Variants in GPCPD1 observed in about 807,000 individuals in gnomAD.
GPCPD1 encodes glycerophosphocholine phosphodiesterase 1, also known as glycerophosphocholine phosphodiesterase GPCPD1.
Under a neutral mutation model 89.2 loss-of-function variants are expected in GPCPD1, and 29 were observed. That is an observed-to-expected ratio of 0.33 (90% CI 0.24 to 0.44). GPCPD1 has a LOEUF of 0.44. Ranked by LOEUF, GPCPD1 falls within the 20% of genes least tolerant of loss-of-function variation. The pLI, the probability that GPCPD1 is intolerant of heterozygous loss-of-function variation, is 1.00. For synonymous variants in GPCPD1, 258 were observed against 266.3 expected (o/e 0.97, Z 0.30); for missense variants, 594 against 808.9 (o/e 0.73, Z 3.22).
At chr20:5,588,217 A>C (rs537020136) in intron 4 of GPCPD1, among the ~76,000 whole-genome samples, 80 of 152,308 alleles carry the variant, frequency 5.3e-4, no homozygotes, top group Middle Eastern at 3.4e-3. Flanking sequence ...AAAAGTTGCA[A>C]ATATAGGACA....
In GPCPD1 at chr20:5,595,788, T is replaced by C. The variant is rs528253007; in HGVS notation, c.147-2377A>G. Among the ~76,000 whole-genome samples, 9 of 141,000 alleles carry C rather than the reference T, an allele frequency of 6.4e-5. No homozygotes were observed. In the South Asian group the frequency reaches 2.2e-3, roughly 35 times the overall value. 92.5% of individuals were successfully genotyped at this position (141,000 alleles called of 152,430 possible). ...AAGAATAGAAAGTTGCCATTTCTGC[T>C]ACCCCAAAAAGAAAAAAAGGGGGGG... On this transcript the variant is annotated intron_variant, in intron 3 of 19. Coordinates refer to ENST00000379019, the MANE Select transcript of GPCPD1 (RefSeq NM_019593.5).
chr20:5,572,648 ATG>A (rs1363022302), intron 11 of GPCPD1, among the ~76,000 whole-genome samples: 1 of 152,134 alleles, frequency 6.6e-6, no homozygotes, highest in East Asian at 1.9e-4. Context: ...AAAAAATGAG[ATG>A]TTCCTCCATT....
At position 5,546,206 on chromosome 20, in the gene GPCPD1, C is replaced by G. The variant is rs1600700533; in HGVS notation, c.*1455G>C. The stretch of plus-strand genomic sequence containing the variant: ...ACGCAATACCATAGGATTTCAGAGC[C>G]TATCTTCACACAAATAAGATCTGAC... On this transcript the variant is annotated 3_prime_UTR_variant, in exon 20 of 20. Transcript: ENST00000379019. 1 of 152,286 alleles carries G rather than the reference C, an allele frequency of 6.6e-6. No individual in the cohort carries two copies. Among genetic ancestry groups the G allele is most frequent in the East Asian group, 1.9e-4 (1 of 5,186 alleles). 9.4% of individuals were successfully genotyped at this position (152,286 alleles called of 1,614,324 possible). A position where few individuals can be genotyped will look rare whatever the true frequency, so the allele number is the denominator to read the frequency against.
intron 7 of GPCPD1, among the ~76,000 whole-genome samples, chr20:5,579,230 ATT>A (rs1978318699): frequency 3.3e-5 from 5 of 152,002 alleles, no homozygotes; most frequent in Admixed American, 2.6e-4. Context: ...ATATTCAAAA[ATT>A]TTTTCCTGTG....
At position 5,560,087 on chromosome 20, in the gene GPCPD1, A is replaced by C; in HGVS notation, c.1396-11T>G. The stretch of plus-strand genomic sequence containing the variant: ...ATCCCACATTCCATCCTAGTGAAAG[A>C]GAAAGCAAAATAAAAGTCACTGCAC... On this transcript the variant is annotated splice_polypyrimidine_tract_variant and intron_variant, in intron 16 of 19. Transcript: ENST00000379019. 4 of 1,515,902 alleles carry C rather than the reference A, an allele frequency of 2.6e-6. No homozygotes were observed. Among genetic ancestry groups the C allele is most frequent in the Non-Finnish European group, 3.5e-6 (4 of 1,134,728 alleles). 93.9% of individuals were successfully genotyped at this position (1,515,902 alleles called of 1,614,324 possible).
At chr20:5,583,253 T>TCCAGTCA (rs1978683097) in intron 6 of GPCPD1, among the ~76,000 whole-genome samples, 1 of 138,162 alleles carries the variant, frequency 7.2e-6, no homozygotes, top group African/African-American at 2.7e-5. Flanking sequence ...AAAAAAGAAT[T>TCCAGTCA]CCAGTCACCC....
At chr20:5,557,842 A>C (rs1372456025) in intron 19 of GPCPD1, 103 bp downstream of exon 19, 1 of 640,650 alleles carries the variant, frequency 1.6e-6, no homozygotes, top group Non-Finnish European at 2.6e-6. Context: ...CTCAGGCTGA[A>C]CTGCAGAATT....
intron 4 of GPCPD1, among the ~76,000 whole-genome samples, chr20:5,588,515 C>G (rs995934558): frequency 6.7e-6 from 1 of 149,484 alleles, no homozygotes; most frequent in African/African-American, 2.5e-5. Context: ...AAAAAAAAGT[C>G]GCAAATACAT....
intron 19 of GPCPD1, chr20:5,548,985 A>C: frequency 3.4e-6 from 3 of 892,286 alleles, no homozygotes; most frequent in Non-Finnish European, 5.1e-6. Context: ...AAAAAAGATA[A>C]AAGCAAAACT....
chr20:5,564,020 A>T (rs1986234073), intron 15 of GPCPD1, among the ~76,000 whole-genome samples: 1 of 152,182 alleles, frequency 6.6e-6, no homozygotes, highest in South Asian at 2.1e-4. Flanking sequence ...TAAGAAATCT[A>T]CTATACCTGA....
Position 5,544,474 on chromosome 20 carries a change from C to G in GPCPD1, c.*3187G>C, listed in dbSNP as rs1422286439. On this transcript the variant is annotated 3_prime_UTR_variant, in exon 20 of 20. Transcript: ENST00000379019. ...CACCATTTATTTATCTAGTTCATAA[C>G]TAAGGATAGAACACTATAGCAGTGC... 1.3e-5 allele frequency: 2 copies of G among 152,194 alleles called. No homozygotes were observed. Among genetic ancestry groups the G allele is most frequent in the Admixed American group, 1.3e-4 (2 of 15,276 alleles). 9.4% of individuals were successfully genotyped at this position (152,194 alleles called of 1,614,324 possible).
At chr20:5,577,793 G>A (rs551052620) in intron 8 of GPCPD1, among the ~76,000 whole-genome samples, 34 of 152,256 alleles carry the variant, frequency 2.2e-4, no homozygotes, top group African/African-American at 7.2e-4. Context: ...AAGGACCTTA[G>A]GGGATGTACC....
intron 3 of GPCPD1, among the ~76,000 whole-genome samples, chr20:5,594,276 T>C (rs1979541958): frequency 6.6e-6 from 1 of 152,084 alleles, no homozygotes; most frequent in Admixed American, 6.6e-5. Context: ...AACCTGTATT[T>C]TAACAAGCCT....
rs533320958 is a variant in GPCPD1 at position 5,606,315 on chromosome 20, T to C, written c.-28-1875A>G. ...AAAAAACCTTTGCCCCCCCCACCAA[T>C]GTTACAAGAATTCCAATCACATCTT... On this transcript the variant is annotated intron_variant, in intron 1 of 19. Coordinates refer to ENST00000379019, the MANE Select transcript of GPCPD1 (RefSeq NM_019593.5). Among the ~76,000 whole-genome samples, 5 of 151,332 alleles carry C rather than the reference T, an allele frequency of 3.3e-5. No homozygotes were observed. The South Asian group carries it at 1.1e-3, about 32-fold the overall frequency.
chr20:5,564,375 A>G (rs1486545118), intron 15 of GPCPD1, among the ~76,000 whole-genome samples: 2 of 151,628 alleles, frequency 1.3e-5, no homozygotes, highest in African/African-American at 4.8e-5. Flanking sequence ...ACCTTTCTCT[A>G]ACTCCTATAC....
intron 8 of GPCPD1, among the ~76,000 whole-genome samples, chr20:5,577,006 A>G (rs1282359037): frequency 6.6e-6 from 1 of 151,172 alleles, no homozygotes; most frequent in East Asian, 2.0e-4. Context: ...GGAGTTCAAG[A>G]CCAGCCTGGG....
At chr20:5,597,442 T>C (rs770633605) in intron 3 of GPCPD1, among the ~76,000 whole-genome samples, 49 of 152,218 alleles carry the variant, frequency 3.2e-4, no homozygotes, top group Non-Finnish European at 2.5e-4. Context: ...GTGACATGCA[T>C]GGAGTCAAAC....
In GPCPD1 at chr20:5,544,474, C is replaced by CT. The variant is rs1568633719; in HGVS notation, c.*3186dup. The CT allele has an allele frequency of 6.6e-6, 1 of 152,194 alleles. No homozygotes were observed. Among genetic ancestry groups the CT allele is most frequent in the Non-Finnish European group, 1.5e-5 (1 of 68,044 alleles). The allele number at this position is 152,194 out of a possible 1,614,324, so 9.4% of individuals were successfully genotyped here. ...CACCATTTATTTATCTAGTTCATAA[C>CT]TAAGGATAGAACACTATAGCAGTGC... On this transcript the variant is annotated 3_prime_UTR_variant, in exon 20 of 20. Coordinates refer to ENST00000379019, the MANE Select transcript of GPCPD1 (RefSeq NM_019593.5).
At chr20:5,600,657 C>T (rs1053425063) in intron 2 of GPCPD1, among the ~76,000 whole-genome samples, 1 of 152,160 alleles carries the variant, frequency 6.6e-6, no homozygotes, top group African/African-American at 2.4e-5. Flanking sequence ...CATAGTGAAA[C>T]CCCATCTCTA....
Sources: allele counts gnomAD v4.1 joint callset (sites outside exome capture counted in the v4.1 genomes callset), GRCh38; gene constraint gnomAD v4.1.1; transcripts MANE v1.5; gene names NCBI Gene and HGNC (gene_info 2026-07-23, HGNC 2026-07-21).